The following SUGCT variants were observed in gnomAD, a reference collection of about 807,000 sequenced individuals.
The protein encoded by SUGCT is succinyl-CoA:glutarate CoA-transferase.
A neutral mutation model predicts 55.0 loss-of-function variants in SUGCT; 41 were observed. The ratio of observed to expected loss-of-function variants is 0.74; its 90% CI spans 0.58 to 0.97. The LOEUF is 0.97. Ranked by LOEUF, SUGCT falls within the 50% of genes least tolerant of loss-of-function variation. SUGCT has a pLI of 0.00. For synonymous variants in SUGCT, 187 were observed against 200.4 expected (o/e 0.93, Z 0.56); for missense variants, 568 against 547.8 (o/e 1.04, Z -0.37).
At chr7:40,942,010 T>C in the SUGCT span, among the ~76,000 whole-genome samples, 1 of 152,144 alleles carries the variant, frequency 6.6e-6, no homozygotes, top group Non-Finnish European at 1.5e-5. Flanking sequence ...TGTGAGTTTT[T>C]ATCCATTCTG....
At chr7:40,271,682 A>G (rs1792026511) in intron 7 of SUGCT, among the ~76,000 whole-genome samples, 1 of 152,118 alleles carries the variant, frequency 6.6e-6, no homozygotes, top group South Asian at 2.1e-4. Flanking sequence ...CTGTTCTAGG[A>G]ACATTCCAAT....
intron 12 of SUGCT, among the ~76,000 whole-genome samples, chr7:40,713,672 T>A (rs1785851188): frequency 6.6e-6 from 1 of 152,212 alleles, no homozygotes; most frequent in Non-Finnish European, 1.5e-5. Context: ...AATTCCATCT[T>A]CATATTCTGT....
intron 1 of SUGCT, among the ~76,000 whole-genome samples, chr7:40,167,792 G>A (rs1447545637): frequency 6.6e-6 from 1 of 152,210 alleles, no homozygotes; most frequent in Non-Finnish European, 1.5e-5. Context: ...AGATCTGGAG[G>A]GGTGGAAGTC....
chr7:40,998,402 T>C, the SUGCT span, among the ~76,000 whole-genome samples: 1 of 150,728 alleles, frequency 6.6e-6, no homozygotes, highest in Admixed American at 6.6e-5. Flanking sequence ...TTGAACTGAG[T>C]ACATAATCAC....
At chr7:40,781,956 A>T (rs1274898869) in intron 13 of SUGCT, among the ~76,000 whole-genome samples, 1 of 152,152 alleles carries the variant, frequency 6.6e-6, no homozygotes, top group South Asian at 2.1e-4. Flanking sequence ...CCAAAAAAAA[A>T]GTCTAGAAGG....
chr7:40,817,587 A>G (rs1222292405), intron 13 of SUGCT, among the ~76,000 whole-genome samples: 3 of 152,228 alleles, frequency 2.0e-5, no homozygotes, highest in African/African-American at 4.8e-5. Context: ...TGTCTTAACC[A>G]TGTGGAATTT....
the SUGCT span, among the ~76,000 whole-genome samples, chr7:40,924,963 C>T: frequency 2.6e-5 from 4 of 152,138 alleles, no homozygotes. Context: ...ATTCTCTAGT[C>T]ATATGGATAT....
rs141343678 is a variant in SUGCT at position 40,531,968 on chromosome 7, C to T, written c.1089+35582C>T. 3.1e-3 allele frequency among the ~76,000 whole-genome samples: 470 copies of T among 152,316 alleles called. 7 individuals carry two copies. The highest frequency in any genetic ancestry group is 0.029 in the East Asian group (152 of 5,162). On this transcript the variant is annotated intron_variant, in intron 12 of 13. Coordinates refer to ENST00000335693, the MANE Select transcript of SUGCT (RefSeq NM_001193313.2). ...GGATTACAGGCGTGAGCCACCGCGC[C>T]CGGCCATATATATTTTTATTCATTC...
intron 12 of SUGCT, among the ~76,000 whole-genome samples, chr7:40,653,681 T>C (rs1800884937): frequency 6.6e-6 from 1 of 152,204 alleles, no homozygotes; most frequent in African/African-American, 2.4e-5. Flanking sequence ...GAGGTCCTAA[T>C]CCTCACCCAG....
intron 13 of SUGCT, among the ~76,000 whole-genome samples, chr7:40,774,528 A>T (rs1789350791): frequency 6.6e-6 from 1 of 152,112 alleles, no homozygotes; most frequent in South Asian, 2.1e-4. Context: ...TGATTGTGTT[A>T]ATTTTTGCTA....
intron 12 of SUGCT, among the ~76,000 whole-genome samples, chr7:40,526,589 G>T (rs890745006): frequency 6.6e-6 from 1 of 152,142 alleles, no homozygotes; most frequent in African/African-American, 2.4e-5. Flanking sequence ...CTGCTGTTTG[G>T]GATCAAACGT....
intron 9 of SUGCT, among the ~76,000 whole-genome samples, chr7:40,447,723 G>A (rs972713527): frequency 4.6e-5 from 7 of 152,174 alleles, no homozygotes; most frequent in Non-Finnish European, 1.0e-4. Context: ...AGAACTTACA[G>A]ATGATTAAGC....
At chr7:40,579,098 A>G (rs2151706806) in intron 12 of SUGCT, among the ~76,000 whole-genome samples, 1 of 152,232 alleles carries the variant, frequency 6.6e-6, no homozygotes, top group Middle Eastern at 3.4e-3. Flanking sequence ...TTCTGACCTC[A>G]TAGAGCTTGC....
intron 12 of SUGCT, among the ~76,000 whole-genome samples, chr7:40,677,166 C>T (rs1284041592): frequency 2.6e-5 from 4 of 152,148 alleles, no homozygotes; most frequent in Non-Finnish European, 5.9e-5. Flanking sequence ...TAAAGGTAAT[C>T]CTGTTTCCAA....
At chr7:40,930,013 G>A in the SUGCT span, among the ~76,000 whole-genome samples, 1 of 152,042 alleles carries the variant, frequency 6.6e-6, no homozygotes, top group African/African-American at 2.4e-5. Context: ...TGTCCTGAAT[G>A]GTATTGCCTA....
At chr7:40,367,784 C>G (rs946743079) in intron 9 of SUGCT, among the ~76,000 whole-genome samples, 2 of 152,138 alleles carry the variant, frequency 1.3e-5, no homozygotes, top group Admixed American at 1.3e-4. Flanking sequence ...GACTCTCATT[C>G]TTGTCTCTCT....
chr7:40,357,571 C>G lies in SUGCT; in HGVS notation c.816+40716C>G, dbSNP rs190507100. Among the ~76,000 whole-genome samples the G allele has an allele frequency of 2.3e-3, 352 of 152,280 alleles. 2 individuals carry two copies. The highest frequency in any genetic ancestry group is 9.1e-3 in the South Asian group (44 of 4,822). On this transcript the variant is annotated intron_variant, in intron 9 of 13. Coordinates refer to ENST00000335693, the MANE Select transcript of SUGCT (RefSeq NM_001193313.2). ...ATGTGGTCTCGGTCACAACTACTCA[C>G]TTCTGCTGATGTAGGGCAAAAGTAG...
chr7:40,252,799 C>T (rs1298334740), intron 7 of SUGCT, among the ~76,000 whole-genome samples: 1 of 152,054 alleles, frequency 6.6e-6, no homozygotes, highest in Non-Finnish European at 1.5e-5. Context: ...ACGCACATGC[C>T]ACCAGGCCTG....
At chr7:40,374,368 T>C (rs1243818389) in intron 9 of SUGCT, among the ~76,000 whole-genome samples, 2 of 152,180 alleles carry the variant, frequency 1.3e-5, no homozygotes, top group Non-Finnish European at 2.9e-5. Flanking sequence ...GGTTCAGAAA[T>C]ATTAATTCCC....
Sources: gnomAD v4.1 joint callset for allele counts (sites outside exome capture counted in the v4.1 genomes callset) on GRCh38, gnomAD v4.1.1 for gene constraint, MANE v1.5 for transcripts, NCBI Gene and HGNC (gene_info 2026-07-23, HGNC 2026-07-21) for gene names.